The following C11orf65 variants were observed in gnomAD, a reference collection of about 807,000 sequenced individuals.
C11orf65 encodes the protein chromosome 11 open reading frame 65, also known as protein MFI.
Under a neutral mutation model 35.3 loss-of-function variants are expected in C11orf65, and 38 were observed. The ratio of observed to expected loss-of-function variants is 1.08; its 90% CI spans 0.83 to 1.41. The LOEUF is 1.41. C11orf65 is among the 40% of genes most tolerant of loss of function. C11orf65 has a pLI of 0.00. For missense variants in C11orf65, 370 were observed against 367.1 expected, an observed-to-expected ratio of 1.01 and a Z score of -0.06; for synonymous variants, 105 against 114.4, an observed-to-expected ratio of 0.92 and a Z score of 0.53.
intron 7 of C11orf65, among the ~76,000 whole-genome samples, chr11:108,389,885 G>A (rs907950530): frequency 1.1e-4 from 16 of 151,910 alleles, no homozygotes; most frequent in Non-Finnish European, 2.1e-4. Flanking sequence ...TAGTAGAGAT[G>A]GGGTTTCACT....
At chr11:108,423,226 A>C (rs554912990) in intron 3 of C11orf65, among the ~76,000 whole-genome samples, 3 of 152,204 alleles carry the variant, frequency 2.0e-5, no homozygotes, top group Non-Finnish European at 4.4e-5. Flanking sequence ...AATGCCAGCG[A>C]GACAGACCCA....
intron 8 of C11orf65, among the ~76,000 whole-genome samples, chr11:108,385,389 G>A (rs1255002816): frequency 6.6e-6 from 1 of 150,882 alleles, no homozygotes; most frequent in Non-Finnish European, 1.5e-5. Context: ...TTTAAAAAAG[G>A]ATTCATATTT....
intron 2 of C11orf65, among the ~76,000 whole-genome samples, chr11:108,338,796 T>C (rs930677335): frequency 3.9e-5 from 6 of 152,232 alleles, no homozygotes; most frequent in Non-Finnish European, 8.8e-5. Flanking sequence ...GCCAGTAATG[T>C]TATTTTGAGA....
chr11:108,308,872 ATCT>A, exon 7 of C11orf65: 1 of 675,668 alleles, frequency 1.5e-6, no homozygotes, highest in Non-Finnish European at 2.5e-6. Flanking sequence ...ATACCAGATT[ATCT>A]TCTGAGGAGG....
At chr11:108,454,826 C>T (rs1381629436) in intron 2 of C11orf65, among the ~76,000 whole-genome samples, 1 of 152,124 alleles carries the variant, frequency 6.6e-6, no homozygotes, top group East Asian at 1.9e-4. Context: ...AAAAACCCAA[C>T]TCCTGGTTTT....
chr11:108,393,525 T>G, intron 6 of C11orf65, 147 bp from the exon 7 acceptor site: 1 of 701,564 alleles, frequency 1.4e-6, no homozygotes, highest in Non-Finnish European at 2.3e-6. Context: ...CAGATGCATC[T>G]AAACCAAGAT....
rs1326705822 is a variant in C11orf65 at position 108,309,644 on chromosome 11, A to T, written c.641-573T>A. ...CTATCTATGGTCCCTTTCAATCTTG[A>T]CCTACCTATTAACACAGTGGAAGAT... On this transcript the variant is annotated intron_variant, in intron 6 of 6. Transcript: ENST00000525729. Among the ~76,000 whole-genome samples the T allele has an allele frequency of 2.0e-5, 3 of 152,202 alleles. No homozygotes were observed. In the East Asian group the frequency reaches 5.8e-4, roughly 29 times the overall value.
downstream of C11orf65, among the ~76,000 whole-genome samples, chr11:108,377,991 CA>C (rs2091772624): frequency 6.6e-6 from 1 of 150,376 alleles, no homozygotes; most frequent in African/African-American, 2.4e-5. Context: ...AGGATACAAA[CA>C]AATGGAAGAA....
downstream of C11orf65, among the ~76,000 whole-genome samples, chr11:108,381,438 T>A (rs1425094358): frequency 1.3e-5 from 2 of 152,188 alleles, no homozygotes; most frequent in African/African-American, 4.8e-5. Context: ...TGCTGGTAGA[T>A]AAATATCTGG....
rs1555151326 is a variant in C11orf65, at chr11:108,365,135, G to A, written c.226+28073C>T. ...GGACCATGAATCCTTTGAAAGCTTT[G>A]TATTTACAGCAGAGGCCGGAAGATG... On this transcript the variant is annotated intron_variant, in intron 2 of 3. Transcript: ENST00000524755. 1 of 1,614,144 alleles carries A rather than the reference G, an allele frequency of 6.2e-7. No individual in the cohort carries two copies. Among genetic ancestry groups the A allele is most frequent in the Non-Finnish European group, 8.5e-7 (1 of 1,180,014 alleles).
At chr11:108,319,909 G>C in intron 6 of C11orf65, 1 of 1,358,398 alleles carries the variant, frequency 7.4e-7, no homozygotes, top group Non-Finnish European at 1.1e-6. Context: ...GTATATCTTA[G>C]GGTTCTGTTT....
chr11:108,329,771 G>T (rs538706273), downstream of C11orf65, among the ~76,000 whole-genome samples: 6 of 152,272 alleles, frequency 3.9e-5, no homozygotes, highest in East Asian at 1.2e-3. Flanking sequence ...GTGTTCTTTT[G>T]TGAATAATTC....
At chr11:108,402,351 C>T (rs1241217661) in intron 6 of C11orf65, among the ~76,000 whole-genome samples, 1 of 152,158 alleles carries the variant, frequency 6.6e-6, no homozygotes, top group South Asian at 2.1e-4. Flanking sequence ...AATCCCAGGC[C>T]TCAGAGTTCT....
intron 6 of C11orf65, among the ~76,000 whole-genome samples, chr11:108,404,881 G>A (rs1005578109): frequency 6.6e-6 from 1 of 152,172 alleles, no homozygotes; most frequent in African/African-American, 2.4e-5. Flanking sequence ...TCAGGCTGCT[G>A]GGAAAAATAT....
chr11:108,408,734 G>GCAAAACAAAACA (rs2092602086), intron 3 of C11orf65, among the ~76,000 whole-genome samples: 1 of 68,708 alleles, frequency 1.5e-5, no homozygotes, highest in African/African-American at 4.2e-5. Flanking sequence ...AAAATAAAAT[G>GCAAAACAAAACA]ATATAAGAAT....
rs371791861 is a variant in C11orf65 at position 108,385,919 on chromosome 11, C to T, written c.787+1G>A. The T allele has an allele frequency of 9.9e-6, 16 of 1,613,400 alleles. No individual in the cohort carries two copies. Among genetic ancestry groups the T allele is most frequent in the African/African-American group, 1.3e-5 (1 of 74,906 alleles). On this transcript the variant is annotated splice_donor_variant, in intron 8 of 8. Coordinates refer to ENST00000393084, the MANE Select transcript of C11orf65 (RefSeq NM_152587.5). LOFTEE classifies it high-confidence loss of function. Reference sequence around the variant, plus strand: ...ATAAAGTACTGCTAAAAATCACCTACCTTTGAAGTTAGCCGAAGAGTTGCT... The same window carrying T: ...ATAAAGTACTGCTAAAAATCACCTATCTTTGAAGTTAGCCGAAGAGTTGCT...
intron 3 of C11orf65, among the ~76,000 whole-genome samples, chr11:108,427,520 C>A (rs527826604): frequency 3.3e-5 from 5 of 150,982 alleles, no homozygotes; most frequent in African/African-American, 1.2e-4. Context: ...GAGATCGAGA[C>A]CATCCTGGCT....
chr11:108,440,788 T>C (rs1322002769), intron 2 of C11orf65, among the ~76,000 whole-genome samples: 1 of 152,144 alleles, frequency 6.6e-6, no homozygotes, highest in African/African-American at 2.4e-5. Flanking sequence ...TTTTAGTGGT[T>C]TTAATGGTAA....
chr11:108,309,067 T>C, exon 7 of C11orf65: 1 of 1,488,638 alleles, frequency 6.7e-7, no homozygotes, highest in Non-Finnish European at 9.1e-7. Context: ...TCCTGAAGAA[T>C]ATTCCTGGAG....
Sources: gnomAD v4.1 joint callset for allele counts (sites outside exome capture counted in the v4.1 genomes callset) on GRCh38, gnomAD v4.1.1 for gene constraint, MANE v1.5 for transcripts, NCBI Gene and HGNC (gene_info 2026-07-23, HGNC 2026-07-21) for gene names.